The following HNRNPA3 variants were observed in gnomAD, a reference collection of about 807,000 sequenced individuals.
HNRNPA3 encodes the protein epididymis secretory sperm binding protein.
Under a neutral mutation model 45.8 loss-of-function variants are expected in HNRNPA3, and 3 were observed. The ratio of observed to expected loss-of-function variants is 0.07; its 90% CI spans 0.03 to 0.17. The LOEUF is 0.17. Among genes scored for constraint, HNRNPA3 ranks in the 10% least tolerant of loss-of-function variants. The pLI, the probability that HNRNPA3 is intolerant of heterozygous loss-of-function variation, is 1.00. For missense variants in HNRNPA3, 183 were observed against 480.3 expected (o/e 0.38, Z 5.79); for synonymous variants, 170 against 155.6 (o/e 1.09, Z -0.69).
chr2:177,216,402 TTA>T (rs1688938243), intron 4 of HNRNPA3, 99 bp from the exon 5 acceptor site: 7 of 845,018 alleles, frequency 8.3e-6, no homozygotes, highest in South Asian at 3.2e-5. Flanking sequence ...CACTACCTGA[TTA>T]TGTCTTAATG....
At chr2:177,215,397 G>A in intron 1 of HNRNPA3, 142 bp from the exon 2 acceptor site, 1 of 859,576 alleles carries the variant, frequency 1.2e-6, no homozygotes, top group Non-Finnish European at 1.8e-6. Context: ...GCCGGTGTCT[G>A]GTCAAAGTTT....
At chr2:177,214,711 CG>C (rs1278064449) in intron 1 of HNRNPA3, among the ~76,000 whole-genome samples, 6 of 152,208 alleles carry the variant, frequency 3.9e-5, no homozygotes, top group African/African-American at 1.4e-4. Flanking sequence ...AGGAAAATGG[CG>C]TGAACCCGGG....
At chr2:177,218,207 G>T (rs750918146) in intron 8 of HNRNPA3, among the ~76,000 whole-genome samples, 1 of 151,872 alleles carries the variant, frequency 6.6e-6, no homozygotes, top group Non-Finnish European at 1.5e-5. Context: ...GACTACAGGC[G>T]TATGCCAGCA....
At chr2:177,213,656 T>C (rs1265421577) in intron 1 of HNRNPA3, among the ~76,000 whole-genome samples, 1 of 152,248 alleles carries the variant, frequency 6.6e-6, no homozygotes, top group Non-Finnish European at 1.5e-5. Flanking sequence ...TGAGTGTAGA[T>C]GTGAAAAACA....
downstream of HNRNPA3, chr2:177,222,804 T>C (rs1375152359): frequency 5.2e-5 from 8 of 152,600 alleles, no homozygotes. Flanking sequence ...CCAGATGTCA[T>C]GGGTAAAGGT....
chr2:177,222,609 G>A (rs886985055), downstream of HNRNPA3: 1 of 152,300 alleles, frequency 6.6e-6, no homozygotes, highest in African/African-American at 2.4e-5. Context: ...AATTTGAGAC[G>A]AGCCTGGGCA....
At chr2:177,217,171 C>T (rs1284368793) in intron 7 of HNRNPA3, among the ~76,000 whole-genome samples, 2 of 152,040 alleles carry the variant, frequency 1.3e-5, no homozygotes, top group Non-Finnish European at 2.9e-5. Context: ...AAGTCTGAGA[C>T]TATATTTTTC....
At chr2:177,215,705 AC>A in intron 2 of HNRNPA3, 44 bp downstream of exon 2, 1 of 1,556,858 alleles carries the variant, frequency 6.4e-7, no homozygotes, top group Non-Finnish European at 8.7e-7. Context: ...GGTGTAGAGA[AC>A]CGGTGGAGGT....
At chr2:177,218,045 C>CT (rs1182076649) in intron 8 of HNRNPA3, among the ~76,000 whole-genome samples, 200 bp downstream of exon 8, 21 of 107,630 alleles carry the variant, frequency 2.0e-4, no homozygotes, top group African/African-American at 5.9e-4. Context: ...ACTCAGCTCT[C>CT]TTTTTTCTTT....
chr2:177,212,929 G>A (rs1461796629), intron 1 of HNRNPA3, 58 bp downstream of exon 1: 2 of 1,159,498 alleles, frequency 1.7e-6, no homozygotes, highest in South Asian at 1.6e-5. Context: ...GGCCTGGTTC[G>A]GTGGGAGCGG....
At chr2:177,220,231 ATTT>A (rs1689130808), downstream of HNRNPA3, 1 of 152,580 alleles carries the variant, frequency 6.6e-6, no homozygotes, top group African/African-American at 2.4e-5. Context: ...TCTATTCTAC[ATTT>A]ACCTTGGTCA....
downstream of HNRNPA3, chr2:177,222,793 AC>A (rs1689239705): frequency 6.6e-6 from 1 of 152,640 alleles, no homozygotes; most frequent in African/African-American, 2.4e-5. Flanking sequence ...AAGAAAAGTT[AC>A]CAGATGTCAT....
At chr2:177,216,980 T>G (rs1688969192) in intron 7 of HNRNPA3, 40 bp downstream of exon 7, 2 of 1,434,620 alleles carry the variant, frequency 1.4e-6, no homozygotes, top group South Asian at 2.7e-5. Context: ...TATTTTAACT[T>G]TCTTTACTTA....
exon 11 of HNRNPA3, chr2:177,219,664 T>C (rs1338573930): frequency 2.2e-5 from 4 of 178,122 alleles, no homozygotes; most frequent in African/African-American, 9.5e-5. Context: ...CTGAGGTCTT[T>C]TATCTGTTGT....
At chr2:177,213,140 C>T (rs1028185596) in intron 1 of HNRNPA3, among the ~76,000 whole-genome samples, 122 of 152,136 alleles carry the variant, frequency 8.0e-4, no homozygotes, top group Non-Finnish European at 1.4e-3. Context: ...GGCTGCGCGG[C>T]CTCCGAAGCG....
downstream of HNRNPA3, chr2:177,220,140 T>G (rs1186805983): frequency 6.6e-6 from 1 of 152,630 alleles, no homozygotes; most frequent in African/African-American, 2.4e-5. Flanking sequence ...TCTATTTGGT[T>G]TTTGTGCATT....
chr2:177,217,018 A>T, intron 7 of HNRNPA3, 78 bp downstream of exon 7: 1 of 1,329,312 alleles, frequency 7.5e-7, no homozygotes, highest in Non-Finnish European at 1.0e-6. Flanking sequence ...CACTTTTCTA[A>T]TTTTAGTTAA....
chr2:177,216,439 T>C, intron 4 of HNRNPA3, 64 bp from the exon 5 acceptor site: 1 of 1,179,320 alleles, frequency 8.5e-7, no homozygotes. Context: ...AGAGGGTATC[T>C]CATATATGTG....
chr2:177,218,992 G>A, intron 8 of HNRNPA3, 45 bp from the exon 9 acceptor site: 1 of 1,602,938 alleles, frequency 6.2e-7, no homozygotes, highest in African/African-American at 1.3e-5. Flanking sequence ...AGGGGAAAAT[G>A]ATGATTGTGT....
Sources: allele counts gnomAD v4.1 joint callset (sites outside exome capture counted in the v4.1 genomes callset), GRCh38; gene constraint gnomAD v4.1.1; transcripts MANE v1.5; gene names NCBI Gene and HGNC (gene_info 2026-07-23, HGNC 2026-07-21).